TTN: variants seen among roughly 807,000 people sequenced by gnomAD.
TTN encodes connectin.
Under a neutral mutation model 3,223.0 loss-of-function variants are expected in TTN, and 1,525 were observed. That is an observed-to-expected ratio of 0.47 (90% confidence interval 0.45 to 0.49). TTN has a LOEUF of 0.49. Ranked by LOEUF, TTN falls within the 20% of genes least tolerant of loss-of-function variation. The pLI is 0.00. For synonymous variants in TTN, 14,094 were observed against 15,161.0 expected (o/e 0.93, Z 5.17); for missense variants, 40,786 against 43,424.0 (o/e 0.94, Z 5.40).
chr2:178,548,382 C>T lies in TTN; in HGVS notation c.93244G>A (p.Glu31082Lys), dbSNP rs199663613. The T allele has an allele frequency of 4.2e-5, 68 of 1,613,872 alleles. No individual in the cohort carries two copies. In the African/African-American group the frequency reaches 6.7e-4, roughly 16 times the overall value. ...ACACGGAAATAGTACGGAACACCTTCGGCCAGGTCATTGACCTTGAAGATC... is the reference window on the plus strand; with the variant it reads ...ACACGGAAATAGTACGGAACACCTTTGGCCAGGTCATTGACCTTGAAGATC... ...RQIFKVNDLA[E>K]GVPYYFRVSA... The change falls in exon 339 of 363, where the codon GAA (glutamate) becomes AAA (lysine). Residue 31082 changes from glutamate (E) to lysine (K), a missense_variant. By Grantham distance (56) the Glu-to-Lys change is moderately conservative. Coordinates refer to ENST00000589042, the MANE Select transcript of TTN (RefSeq NM_001267550.2). The surrounding 1 kb of genome is among the most constrained non-coding windows in gnomAD (Gnocchi z 4.3).
chr2:178,747,066 C>A (rs2083809426), intron 47 of TTN: 1 of 1,612,952 alleles, frequency 6.2e-7, no homozygotes, highest in Non-Finnish European at 8.5e-7. Flanking sequence ...TCTAGTGCCT[C>A]CCCTGGGGGT....
In TTN at chr2:178,785,908, C is replaced by A. The variant is rs541547610; in HGVS notation, c.2310G>T (p.Gln770His). 2.6e-5 allele frequency: 42 copies of A among 1,614,084 alleles called. No homozygotes were observed. The East Asian group carries it at 8.5e-4, about 33-fold the overall frequency. The change falls in exon 14 of 363, where the codon CAG becomes CAT. Residue 770 changes from glutamine (Q) to histidine (H), a missense_variant. Transcript: ENST00000589042. ...TTTTGATATGAGTCTCAGAAGGAGC[C>A]TGGATTACTCTAGGCTTGACTGCTT... is the stretch of plus-strand genomic sequence containing the variant. ...VPKAVKPRVI[Q>H]APSETHIKTT...
intron 136 of TTN, 30 bp downstream of exon 136, chr2:178,681,630 CT>C: frequency 6.3e-7 from 1 of 1,586,964 alleles, no homozygotes; most frequent in Non-Finnish European, 8.6e-7. Context: ...ACAAAGATCT[CT>C]TACAGGTAAT....
At chr2:178,547,374 G>C (rs756544041) in intron 339 of TTN, 33 bp downstream of exon 339, 1 of 1,580,726 alleles carries the variant, frequency 6.3e-7, no homozygotes. Flanking sequence ...TTTAATAATA[G>C]AGACTTTGAA....
At position 178,530,126 on chromosome 2, in the gene TTN, G is replaced by A; in HGVS notation, c.106375-10C>T. ...CTCCTTGTGTAATGGCCTGTAGAAT[G>A]CAAATGATTTGTGTTTTAAAAAGTG... is the stretch of plus-strand genomic sequence containing the variant. On this transcript the variant is annotated splice_polypyrimidine_tract_variant and intron_variant, in intron 358 of 362. Transcript: ENST00000589042. 6.3e-7 allele frequency: 1 copy of A among 1,576,050 alleles called. No individual in the cohort carries two copies. The highest frequency in any genetic ancestry group is 1.7e-4 in the Middle Eastern group (1 of 5,906).
At position 178,567,126 on chromosome 2, in the gene TTN, C is replaced by T. The variant is rs1706199858; in HGVS notation, c.79006G>A (p.Val26336Ile). 4 of 1,613,418 alleles carry T rather than the reference C, an allele frequency of 2.5e-6. No individual in the cohort carries two copies. Among genetic ancestry groups the T allele is most frequent in the African/African-American group, 1.3e-5 (1 of 74,882 alleles). The change falls in exon 326 of 363, where the codon GTT (valine) becomes ATT (isoleucine). Residue 26336 changes from valine to isoleucine, a missense_variant. Coordinates refer to ENST00000589042, the MANE Select transcript of TTN (RefSeq NM_001267550.2). ...KRETSRLAWT[V>I]VASEVVTNSL... is the part of the protein sequence containing the mutation. ...TTGGTCACAACTTCTGAAGCAACAACAGTCCAGGCAAGTCGACTGGTTTCT... is the reference window on the plus strand; with the variant it reads ...TTGGTCACAACTTCTGAAGCAACAATAGTCCAGGCAAGTCGACTGGTTTCT...
chr2:178,556,877 A>G lies in TTN; in HGVS notation c.88277T>C (p.Val29426Ala). The G allele has an allele frequency of 5.0e-6, 8 of 1,613,800 alleles. No individual in the cohort carries two copies. The highest frequency in any genetic ancestry group is 6.8e-6 in the Non-Finnish European group (8 of 1,179,820). The change falls in exon 330 of 363, where the codon GTA (valine) becomes GCA (alanine). Residue 29426 changes from valine to alanine, a missense_variant. Physicochemically the swap from Val to Ala is moderately conservative, Grantham distance 64 (BLOSUM62 0). Transcript: ENST00000589042. ...AGAATCGATGCAAGTAATGGGCCCT[A>G]CAACCTCAGATGGATTGCTAATGGA... ...VGSISNPSEV[V>A]GPITCIDSYG...
Position 178,562,982 on chromosome 2 carries a change from G to C in TTN, c.83150C>G (p.Thr27717Ser), listed in dbSNP as rs757498214. Residue 27717 changes from threonine (T) to serine (S), a missense_variant, in exon 326 of 363, where the codon ACT (threonine) becomes AGT (serine). Transcript: ENST00000589042. ...GGTCACCTCTATCTGAGCCCTGTCA[G>C]TGAGAATGCCTTCTGCCTTTTCCCA... ...VKWEKAEGILTDRAQIEVTSS... is the reference protein window; with the variant it reads ...VKWEKAEGILSDRAQIEVTSS... 1.9e-6 allele frequency: 3 copies of C among 1,613,594 alleles called. No homozygotes were observed. The African/African-American group carries it at 4.0e-5, about 22-fold the overall frequency.
chr2:178,729,724 C>A lies in TTN; in HGVS notation c.18529G>T (p.Val6177Leu). ...GARVENSGTY[V>L]CEARNDAGTA... ...CCTGCGTCATTTCGAGCTTCACACA[C>A]ATAAGTCCCACTATTTTCTACCCTG... Residue 6177 changes from valine to leucine, a missense_variant, in exon 63 of 363, where the codon GTG becomes TTG. By Grantham distance (32) the Val-to-Leu change is conservative. Coordinates refer to ENST00000589042, the MANE Select transcript of TTN (RefSeq NM_001267550.2). The A allele has an allele frequency of 3.1e-6, 5 of 1,613,800 alleles. No homozygotes were observed. The highest frequency in any genetic ancestry group is 3.4e-6 in the Non-Finnish European group (4 of 1,179,748).
Position 178,621,305 on chromosome 2 carries a change from T to A in TTN, c.45413A>T (p.Glu15138Val). The change falls in exon 246 of 363, where the codon GAA becomes GTA. Residue 15138 changes from glutamate (E) to valine (V), a missense_variant. Physicochemically the swap from Glu to Val is moderately radical, Grantham distance 121. Transcript: ENST00000589042. ...NLEILEGEKA[E>V]FVCSISKESF... ...TTCTTTTGATATAGAGCAGACAAAT[T>A]CAGCCTTTTCTCCTTCAAGTATTTC... The A allele has an allele frequency of 6.2e-7, 1 of 1,612,080 alleles. No individual in the cohort carries two copies. The highest frequency in any genetic ancestry group is 1.1e-5 in the South Asian group (1 of 90,984).
At position 178,536,090 on chromosome 2, in the gene TTN, G is replaced by A. The variant is rs1575305295; in HGVS notation, c.100657C>T (p.His33553Tyr). 1 of 1,611,096 alleles carries A rather than the reference G, an allele frequency of 6.2e-7. No individual in the cohort carries two copies. Among genetic ancestry groups the A allele is most frequent in the Non-Finnish European group, 8.5e-7 (1 of 1,177,758 alleles). Residue 33553 changes from histidine (H) to tyrosine (Y), a missense_variant, in exon 357 of 363, where the codon CAC becomes TAC. Transcript: ENST00000589042. ...GTGACACTTGCAATGATGAGCTGGT[G>A]GTAGCCACCCTTAAATTCTTGAATC... is the stretch of plus-strand genomic sequence containing the variant. ...YRIQEFKGGY[H>Y]QLIIASVTDD... is the part of the protein sequence containing the mutation.
chr2:178,723,371 G>A, intron 74 of TTN, 47 bp from the exon 75 acceptor site: 3 of 1,603,936 alleles, frequency 1.9e-6, no homozygotes, highest in Non-Finnish European at 2.6e-6. Flanking sequence ...AAAACACAAG[G>A]ATGTCGGTAT....
chr2:178,590,546 T>A lies in TTN; in HGVS notation c.61179A>T (p.Thr20393=). The A allele has an allele frequency of 6.2e-7, 1 of 1,612,886 alleles. No individual in the cohort carries two copies. Among genetic ancestry groups the A allele is most frequent in the East Asian group, 2.2e-5 (1 of 44,784 alleles). Residue 20393 remains threonine (T), a synonymous_variant, in exon 304 of 363, where the codon ACA becomes ACT. Coordinates refer to ENST00000589042, the MANE Select transcript of TTN (RefSeq NM_001267550.2). The part of the protein sequence containing the change: ...KSRETADLVW[T]KPLSDGGSPI... ...GGCTACCACCATCACTGAGAGGCTT[T>A]GTCCACACCAAATCAGCTGTTTCTC...
Position 178,635,532 on chromosome 2 carries a change from T to C in TTN, c.41792A>G (p.Tyr13931Cys). 2 of 1,597,382 alleles carry C rather than the reference T, an allele frequency of 1.3e-6. No homozygotes were observed. Among genetic ancestry groups the C allele is most frequent in the African/African-American group, 1.3e-5 (1 of 74,900 alleles). ...TEILRDGNHL[Y>C]LKIKNAMPED... ...TGGCATAGCATTCTTAATTTTGAGG[T>C]ACAGATGATTTCCATCTCTCAGTAT... is the stretch of plus-strand genomic sequence containing the variant. The change falls in exon 227 of 363, where the codon TAC becomes TGC. Residue 13931 changes from tyrosine to cysteine, a missense_variant. Transcript: ENST00000589042.
rs1220132171 is a variant in TTN, at chr2:178,714,373, G to C, written c.26401C>G (p.Pro8801Ala). 2 of 1,613,746 alleles carry C rather than the reference G, an allele frequency of 1.2e-6. No individual in the cohort carries two copies. The highest frequency in any genetic ancestry group is 1.7e-5 in the Admixed American group (1 of 60,004). The change falls in exon 91 of 363, where the codon CCA becomes GCA. Residue 8801 changes from proline to alanine, a missense_variant. By Grantham distance (27) the Pro-to-Ala change is conservative. Coordinates refer to ENST00000589042, the MANE Select transcript of TTN (RefSeq NM_001267550.2). ...CAAGTGTATTTTCCAGCATTGGCTG[G>C]TTCCACTCTTGAAAACTGTAAGGTT... ...IATLQFSRVE[P>A]ANAGKYTCQI...
At chr2:178,544,593 G>T in intron 344 of TTN, 87 bp from the exon 345 acceptor site, 1 of 1,166,572 alleles carries the variant, frequency 8.6e-7, no homozygotes, top group Non-Finnish European at 1.2e-6. Flanking sequence ...ACTCACAAAG[G>T]CATTATTGCT....
At position 178,638,521 on chromosome 2, in the gene TTN, T is replaced by C. The variant is rs544759820; in HGVS notation, c.40877-1102A>G. 4.6e-5 allele frequency among the ~76,000 whole-genome samples: 7 copies of C among 151,376 alleles called. 1 individual carries two copies. Among genetic ancestry groups the C allele is most frequent in the African/African-American group, 1.4e-4 (6 of 41,464 alleles). ...TTCTAAATGTTATTCCCGGGGCCTATGCACATCTCACTGTGGAATGTAACA... is the reference window on the plus strand; with the variant it reads ...TTCTAAATGTTATTCCCGGGGCCTACGCACATCTCACTGTGGAATGTAACA... On this transcript the variant is annotated intron_variant, in intron 223 of 362. Transcript: ENST00000589042.
chr2:178,771,155 C>T lies in TTN; in HGVS notation c.8116+56G>A, dbSNP rs4894047. ...TGGCCATATCGTTTGTCTTTTAAAA[C>T]GATAACGATCAAGATTGTAATATGA... is the stretch of plus-strand genomic sequence containing the variant. On this transcript the variant is annotated intron_variant, in intron 34 of 362. Transcript: ENST00000589042. 1,602,930 of 1,611,334 alleles carry T rather than the reference C, an allele frequency of 0.99. 797,636 individuals are homozygous for T. Among genetic ancestry groups the T allele is most frequent in the East Asian group, 1 (44,800 of 44,800 alleles).
chr2:178,632,017 G>A (rs1312159991), intron 236 of TTN, 130 bp downstream of exon 236: 2 of 953,626 alleles, frequency 2.1e-6, no homozygotes, highest in Non-Finnish European at 2.9e-6. Context: ...GATTACATAT[G>A]TGATAGCTTC....
Sources: allele counts gnomAD v4.1 joint callset (sites outside exome capture counted in the v4.1 genomes callset), GRCh38; gene constraint gnomAD v4.1.1; non-coding constraint Gnocchi (gnomAD v3.1); transcripts MANE v1.5; gene names NCBI Gene and HGNC (gene_info 2026-07-23, HGNC 2026-07-21).